DPYD: variants seen among roughly 807,000 people sequenced by gnomAD.
DPYD encodes dihydropyrimidine dehydrogenase, also known as dihydropyrimidine dehydrogenase [NADP(+)].
In DPYD, 109 loss-of-function variants were observed where a neutral mutation model predicts 116.2. The ratio of observed to expected loss-of-function variants is 0.94; its 90% CI spans 0.80 to 1.10. DPYD has a LOEUF of 1.10. DPYD is among the 50% of genes least tolerant of loss of function. The pLI is 0.00. For synonymous variants in DPYD, 440 were observed against 432.0 expected (o/e 1.02, Z -0.23); for missense variants, 1,302 against 1,254.5 (o/e 1.04, Z -0.57).
chr1:97,684,691 C>T (rs537775297), intron 7 of DPYD, among the ~76,000 whole-genome samples: 32 of 151,960 alleles, frequency 2.1e-4, no homozygotes, highest in African/African-American at 7.2e-4. Flanking sequence ...GAAATACAAA[C>T]AAGCATCGAA....
At chr1:97,616,945 G>T (rs1656320826) in intron 8 of DPYD, among the ~76,000 whole-genome samples, 1 of 152,032 alleles carries the variant, frequency 6.6e-6, no homozygotes, top group Non-Finnish European at 1.5e-5. Context: ...GAGTGCAGTG[G>T]TGGGATCTCA....
chr1:97,426,591 T>C (rs1674878133), intron 14 of DPYD, among the ~76,000 whole-genome samples: 1 of 152,044 alleles, frequency 6.6e-6, no homozygotes, highest in Non-Finnish European at 1.5e-5. Flanking sequence ...TGGATGCAAC[T>C]ATTGGCTTAA....
intron 8 of DPYD, among the ~76,000 whole-genome samples, chr1:97,633,870 G>A (rs749499605): frequency 5.9e-5 from 9 of 152,144 alleles, no homozygotes; most frequent in Non-Finnish European, 8.8e-5. Flanking sequence ...AGGTTTATTC[G>A]TGCAAACTCG....
At chr1:97,695,590 T>C (rs771980313) in intron 6 of DPYD, among the ~76,000 whole-genome samples, 4 of 150,612 alleles carry the variant, frequency 2.7e-5, no homozygotes, top group African/African-American at 9.8e-5. Flanking sequence ...AGTTAAGTGA[T>C]CGATATATAT....
intron 11 of DPYD, among the ~76,000 whole-genome samples, chr1:97,567,767 A>G (rs1355463649): frequency 6.6e-6 from 1 of 152,146 alleles, no homozygotes. Flanking sequence ...TACACTAAAC[A>G]AAAAAATGTG....
At chr1:97,567,308 A>G (rs1652588838) in intron 11 of DPYD, among the ~76,000 whole-genome samples, 1 of 150,922 alleles carries the variant, frequency 6.6e-6, no homozygotes, top group Non-Finnish European at 1.5e-5. Flanking sequence ...GGAACTGATG[A>G]GTGATTTAAA....
Position 97,828,314 on chromosome 1 carries a change from A to G in DPYD, c.151-118T>C. The G allele has an allele frequency of 9.4e-6, 8 of 855,130 alleles. 1 individual carries two copies. The highest frequency in any genetic ancestry group is 2.9e-5 in the South Asian group (2 of 68,566). 53.0% of individuals were successfully genotyped at this position (855,130 alleles called of 1,614,324 possible). A position where few individuals can be genotyped will look rare whatever the true frequency, so the allele number is the denominator to read the frequency against. On this transcript the variant is annotated intron_variant, in intron 2 of 22. Transcript: ENST00000370192. ...TCATGGACTCATGAAAAATATGCATACCACTTTAATTGGGTAGCATTCATT... is the reference window on the plus strand; with the variant it reads ...TCATGGACTCATGAAAAATATGCATGCCACTTTAATTGGGTAGCATTCATT...
At chr1:97,123,947 G>C (rs1002677987) in intron 20 of DPYD, among the ~76,000 whole-genome samples, 3 of 152,076 alleles carry the variant, frequency 2.0e-5, no homozygotes, top group African/African-American at 4.8e-5. Context: ...TAATGAATCT[G>C]GGTCCCTGCC....
chr1:97,236,982 C>T (rs1262111770), intron 18 of DPYD, among the ~76,000 whole-genome samples: 6 of 151,952 alleles, frequency 3.9e-5, no homozygotes, highest in African/African-American at 1.2e-4. Flanking sequence ...TTTGGGAGGC[C>T]GAGGCAGAGG....
chr1:97,555,661 C>T (rs564179260), intron 11 of DPYD, among the ~76,000 whole-genome samples: 1 of 152,268 alleles, frequency 6.6e-6, no homozygotes, highest in East Asian at 1.9e-4. Context: ...AAAGCCATCA[C>T]ATGGGAACTC....
intron 12 of DPYD, among the ~76,000 whole-genome samples, chr1:97,528,119 T>C (rs573620801): frequency 1.3e-5 from 2 of 152,316 alleles, no homozygotes; most frequent in African/African-American, 4.8e-5. Context: ...ATCAGTTCCT[T>C]CGCTCTTTGA....
intron 8 of DPYD, 74 bp downstream of exon 8, chr1:97,679,021 G>A: frequency 1.5e-6 from 1 of 672,764 alleles, no homozygotes. Flanking sequence ...TCTGAAGGCA[G>A]TCATTCTTCT....
At chr1:97,679,002 A>G in intron 8 of DPYD, 93 bp downstream of exon 8, 1 of 566,262 alleles carries the variant, frequency 1.8e-6, no homozygotes, top group Non-Finnish European at 3.0e-6. Flanking sequence ...AACTTTCATC[A>G]CGAAAATGTC....
chr1:97,752,403 C>T (rs528019285), intron 3 of DPYD, among the ~76,000 whole-genome samples: 11 of 151,960 alleles, frequency 7.2e-5, no homozygotes, highest in East Asian at 5.8e-4. Flanking sequence ...ATGTTGATTA[C>T]GCCAAGTGAA....
At chr1:97,376,904 G>A (rs1224368233) in intron 15 of DPYD, among the ~76,000 whole-genome samples, 1 of 95,428 alleles carries the variant, frequency 1.0e-5, no homozygotes, top group Non-Finnish European at 2.2e-5. Flanking sequence ...TATATATATG[G>A]TGTGGACTCT....
intron 5 of DPYD, among the ~76,000 whole-genome samples, chr1:97,716,238 C>T (rs1303586680): frequency 6.6e-6 from 1 of 151,980 alleles, no homozygotes; most frequent in Non-Finnish European, 1.5e-5. Flanking sequence ...TGTTTACAGT[C>T]CCTTGGAATA....
chr1:97,851,753 T>C (rs1670579809), intron 2 of DPYD, among the ~76,000 whole-genome samples: 1 of 150,728 alleles, frequency 6.6e-6, no homozygotes, highest in African/African-American at 2.4e-5. Context: ...TAAACAAATA[T>C]ATGTGAAAGT....
chr1:97,742,049 T>C (rs144895135), intron 3 of DPYD, among the ~76,000 whole-genome samples: 2 of 152,082 alleles, frequency 1.3e-5, no homozygotes, highest in East Asian at 3.9e-4. Context: ...ATGAATTTGG[T>C]CTAGCATAAA....
chr1:97,367,564 C>T (rs1361172317), intron 16 of DPYD, among the ~76,000 whole-genome samples: 1 of 152,020 alleles, frequency 6.6e-6, no homozygotes, highest in African/African-American at 2.4e-5. Context: ...TATGATTAAA[C>T]GCAGGAAGGG....
Sources: gnomAD v4.1 joint callset for allele counts (sites outside exome capture counted in the v4.1 genomes callset) on GRCh38, gnomAD v4.1.1 for gene constraint, MANE v1.5 for transcripts, NCBI Gene and HGNC (gene_info 2026-07-23, HGNC 2026-07-21) for gene names.